CELF2: variants seen among roughly 807,000 people sequenced by gnomAD.
CELF2 encodes the protein CUG triplet repeat RNA-binding protein 2.
CELF2 carries 8 observed loss-of-function variants against 62.6 expected under a neutral mutation model. The ratio of observed to expected loss-of-function variants is 0.13; its 90% CI spans 0.07 to 0.23. The LOEUF (loss-of-function observed/expected upper bound fraction) is 0.23, where lower values mean the gene tolerates loss of function less well. Ranked by LOEUF, CELF2 falls within the 10% of genes least tolerant of loss-of-function variation. The pLI, the probability that CELF2 is intolerant of heterozygous loss-of-function variation, is 1.00. For missense variants in CELF2, 333 were observed against 671.0 expected (o/e 0.50, Z 5.56); for synonymous variants, 258 against 250.0 (o/e 1.03, Z -0.30).
At chr10:11,195,973 A>T (rs145880621) in intron 2 of CELF2, among the ~76,000 whole-genome samples, 1 of 151,630 alleles carries the variant, frequency 6.6e-6, no homozygotes, top group Non-Finnish European at 1.5e-5. Flanking sequence ...TGGCAAAACA[A>T]AGTATTCATT....
the CELF2 span, among the ~76,000 whole-genome samples, chr10:10,612,032 G>A: frequency 6.6e-6 from 1 of 152,094 alleles, no homozygotes; most frequent in South Asian, 2.1e-4. Context: ...ACTGGTTATG[G>A]TATTATGTGG....
In CELF2 at chr10:10,938,107, G is replaced by A. The variant is rs955590892; in HGVS notation, c.89+18108G>A. Among the ~76,000 whole-genome samples, 1 of 152,202 alleles carries A rather than the reference G, an allele frequency of 6.6e-6. No homozygotes were observed. The highest frequency in any genetic ancestry group is 1.5e-5 in the Non-Finnish European group (1 of 68,046). On this transcript the variant is annotated intron_variant, in intron 2 of 13. Coordinates refer to the CELF2 transcript ENST00000636488. This position sits in a 1 kb window ranked among gnomAD's most constrained non-coding sequence, Gnocchi z 4.2. Reference sequence around the variant, plus strand: ...AATAACTCAAGAGAGATAGAGGGGAGATGGGTAATACTGAATATGCAGAAT... The same window carrying A: ...AATAACTCAAGAGAGATAGAGGGGAAATGGGTAATACTGAATATGCAGAAT...
At chr10:11,035,876 C>T (rs2060866661) in intron 1 of CELF2, among the ~76,000 whole-genome samples, 1 of 152,220 alleles carries the variant, frequency 6.6e-6, no homozygotes, top group African/African-American at 2.4e-5. Context: ...CTGCTGATAA[C>T]AGTATTGCCT....
rs148607360 is a variant in CELF2 at position 11,126,403 on chromosome 10, A to G, written c.75-39083A>G. ...GGTGGACTATAGTATTAAGCAAACT[A>G]GGAAGAAGAGAGGGGTTTGACAACT... On this transcript the variant is annotated intron_variant, in intron 1 of 12. Coordinates refer to ENST00000633077, the MANE Select transcript of CELF2 (RefSeq NM_001326342.2). Among the ~76,000 whole-genome samples the G allele has an allele frequency of 2.6e-5, 4 of 152,336 alleles. No homozygotes were observed. The East Asian group carries it at 7.7e-4, about 29-fold the overall frequency.
At chr10:11,251,601 C>G (rs997641910) in intron 4 of CELF2, among the ~76,000 whole-genome samples, 3 of 151,954 alleles carry the variant, frequency 2.0e-5, no homozygotes, top group African/African-American at 7.3e-5. Flanking sequence ...TTTGGAGAAG[C>G]CTGGATTTGA....
chr10:10,538,004 T>C, the CELF2 span, among the ~76,000 whole-genome samples: 1 of 151,808 alleles, frequency 6.6e-6, no homozygotes, highest in South Asian at 2.1e-4. Flanking sequence ...CTTCATGGAA[T>C]GAGGAGGGTT....
At position 11,336,414 on chromosome 10, in the gene CELF2, TAAC is replaced by T. The variant is rs1420746307; in HGVS notation, c.*7364_*7366del. 1.3e-5 allele frequency: 2 copies of T among 152,652 alleles called. No homozygotes were observed. The highest frequency in any genetic ancestry group is 4.8e-5 in the African/African-American group (2 of 41,454). The allele number at this position is 152,652 out of a possible 1,614,324, so 9.5% of individuals were successfully genotyped here. On this transcript the variant is annotated 3_prime_UTR_variant, in exon 13 of 13. Transcript: ENST00000633077. The surrounding 1 kb of genome is among the most constrained non-coding windows in gnomAD (Gnocchi z 5.4). ...TTTCTATTGAGTGAAAATGATATCT[TAAC>T]AAAATCTATGCACTTGCTATCAGGA...
At chr10:11,166,046 C>T (rs116417805) in intron 2 of CELF2, among the ~76,000 whole-genome samples, 1,549 of 152,362 alleles carry the variant, frequency 0.01, 29 homozygotes, top group African/African-American at 0.035. Flanking sequence ...CAGGACCTAA[C>T]TCTTCCCACC....
chr10:10,601,840 G>A, the CELF2 span, among the ~76,000 whole-genome samples: 302 of 151,776 alleles, frequency 2.0e-3, 7 homozygotes, highest in East Asian at 0.05. Flanking sequence ...AATCACCCAG[G>A]TATTAAGCCC....
intron 1 of CELF2, among the ~76,000 whole-genome samples, chr10:10,817,074 G>A (rs2056527359): frequency 6.6e-6 from 1 of 152,196 alleles, no homozygotes; most frequent in African/African-American, 2.4e-5. Context: ...GCGGGCAGTG[G>A]ACGGTGGGAG....
At chr10:11,017,762 C>G (rs1289131031), upstream of CELF2, among the ~76,000 whole-genome samples, 9 of 151,838 alleles carry the variant, frequency 5.9e-5, no homozygotes, top group South Asian at 1.9e-3. This position sits in a 1 kb window ranked among gnomAD's most constrained non-coding sequence, Gnocchi z 5.5. Context: ...GGGCGGTGAG[C>G]GCGGAGGCGG....
chr10:11,288,719 A>C (rs893599701), intron 9 of CELF2, among the ~76,000 whole-genome samples, 167 bp downstream of exon 9: 1 of 152,230 alleles, frequency 6.6e-6, no homozygotes, highest in Admixed American at 6.5e-5. Context: ...AAAATGGTCA[A>C]AGTTCGAATT....
At chr10:10,939,771 G>A (rs746601633) in intron 2 of CELF2, among the ~76,000 whole-genome samples, 4 of 151,818 alleles carry the variant, frequency 2.6e-5, no homozygotes, top group Admixed American at 6.6e-5. Flanking sequence ...TGGCTAACAC[G>A]GTGAAACCCC....
chr10:11,017,380 A>T (rs1411423361), upstream of CELF2, among the ~76,000 whole-genome samples: 1 of 152,274 alleles, frequency 6.6e-6, no homozygotes, highest in Non-Finnish European at 1.5e-5. This position sits in a 1 kb window ranked among gnomAD's most constrained non-coding sequence, Gnocchi z 5.5. Flanking sequence ...GCCATCGTGC[A>T]GAGACAGGTT....
At chr10:11,142,815 G>GT (rs2061580898) in intron 1 of CELF2, among the ~76,000 whole-genome samples, 1 of 152,144 alleles carries the variant, frequency 6.6e-6, no homozygotes. Context: ...AAGGTAAGTC[G>GT]TAAGGCCAGG....
At chr10:11,132,146 G>C (rs751941568) in intron 1 of CELF2, among the ~76,000 whole-genome samples, 4 of 152,190 alleles carry the variant, frequency 2.6e-5, no homozygotes, top group African/African-American at 7.2e-5. Flanking sequence ...TCCCTTATGC[G>C]TTGTTTGTAA....
chr10:10,918,344 G>C (rs1469222820), intron 1 of CELF2, among the ~76,000 whole-genome samples: 1 of 152,202 alleles, frequency 6.6e-6, no homozygotes, highest in Non-Finnish European at 1.5e-5. Context: ...TTCAGTGGCA[G>C]AGTGGACAAT....
chr10:10,904,197 G>T (rs1037419734), intron 1 of CELF2, among the ~76,000 whole-genome samples: 2 of 151,316 alleles, frequency 1.3e-5, no homozygotes, highest in South Asian at 4.2e-4. Flanking sequence ...TTTTTATCAC[G>T]CAATATGCCT....
rs1053998950 is a variant in CELF2 at position 11,306,945 on chromosome 10, C to T, written c.977-7194C>T. ...GCCCAGGGAGTTTCTAGGCCGCCTC[C>T]ACCTCTCCTATGGCCCCCTGAGCTA... is the stretch of plus-strand genomic sequence containing the variant. On this transcript the variant is annotated intron_variant, in intron 9 of 12. Coordinates refer to ENST00000633077, the MANE Select transcript of CELF2 (RefSeq NM_001326342.2). The surrounding 1 kb of genome is among the most constrained non-coding windows in gnomAD (Gnocchi z 4.4). 1.3e-5 allele frequency among the ~76,000 whole-genome samples: 2 copies of T among 152,220 alleles called. No homozygotes were observed. Among genetic ancestry groups the T allele is most frequent in the Non-Finnish European group, 2.9e-5 (2 of 68,036 alleles).
Sources: allele counts gnomAD v4.1 joint callset (sites outside exome capture counted in the v4.1 genomes callset), GRCh38; gene constraint gnomAD v4.1.1; non-coding constraint Gnocchi (gnomAD v3.1); transcripts MANE v1.5; gene names NCBI Gene and HGNC (gene_info 2026-07-23, HGNC 2026-07-21).